ARHGEF1: variants seen among roughly 807,000 people sequenced by gnomAD.
The protein encoded by ARHGEF1 is Rho guanine nucleotide exchange factor 1.
ARHGEF1 carries 40 observed loss-of-function variants against 119.7 expected under a neutral mutation model. That is an observed-to-expected ratio of 0.33 (90% confidence interval 0.26 to 0.44). The LOEUF is 0.44. ARHGEF1 is among the 20% of genes least tolerant of loss of function. The pLI, the probability that ARHGEF1 is intolerant of heterozygous loss-of-function variation, is 1.00. For missense variants in ARHGEF1, 976 were observed against 1,268.3 expected, an observed-to-expected ratio of 0.77 and a Z score of 3.50; for synonymous variants, 494 against 521.0, an observed-to-expected ratio of 0.95 and a Z score of 0.71.
In ARHGEF1 at chr19:41,903,812, G is replaced by GC. The variant is rs1568823687; in HGVS notation, c.1917+34dup. ...GTGACCATACCCTCCTGCCTCCCCC[G>GC]CCCCCCTACTCCTTGGCCCAGGGGA... On this transcript the variant is annotated intron_variant, in intron 20 of 28. Transcript: ENST00000354532. The surrounding 1 kb of genome is among the most constrained non-coding windows in gnomAD (Gnocchi z 4.2). 2.5e-6 allele frequency: 4 copies of GC among 1,582,386 alleles called. No homozygotes were observed. Among genetic ancestry groups the GC allele is most frequent in the South Asian group, 1.1e-5 (1 of 90,162 alleles).
intron 1 of ARHGEF1, among the ~76,000 whole-genome samples, chr19:41,924,757 G>A (rs2074861935): frequency 6.6e-6 from 1 of 152,148 alleles, no homozygotes; most frequent in African/African-American, 2.4e-5. Context: ...CATGCTACAG[G>A]TGTTATGCAC....
In ARHGEF1 at chr19:41,896,810, T is replaced by TCCTCTCACCTCCCCC. The variant is rs2074500981; in HGVS notation, c.1121+329_1121+330insCTCTCACCTCCCCCC. On this transcript the variant is annotated intron_variant, in intron 13 of 28. Transcript: ENST00000354532. ...TTTCCCCCTCCTCTCTCACCTCCCC[T>TCCTCTCACCTCCCCC]CTCCTCTCTCACCTCCCCCATCCTC... is the stretch of plus-strand genomic sequence containing the variant. 1.1e-4 allele frequency: 33 copies of TCCTCTCACCTCCCCC among 302,960 alleles called. 3 individuals carry two copies. In the African/African-American group the frequency reaches 2.3e-3, roughly 21 times the overall value. 18.8% of individuals were successfully genotyped at this position (302,960 alleles called of 1,614,324 possible).
chr19:41,898,169 G>A, intron 13 of ARHGEF1: 1 of 1,410,960 alleles, frequency 7.1e-7, no homozygotes, highest in Non-Finnish European at 9.2e-7. Flanking sequence ...GAATCAGGGA[G>A]GGATTGTTGT....
chr19:41,897,266 T>C (rs1196444063), intron 13 of ARHGEF1: 3 of 1,279,762 alleles, frequency 2.3e-6, no homozygotes, highest in Non-Finnish European at 2.0e-6. Context: ...GGGAGGTGGG[T>C]CAGGTTCCAT....
chr19:41,926,047 A>G (rs988416389), intron 1 of ARHGEF1, among the ~76,000 whole-genome samples: 2 of 151,940 alleles, frequency 1.3e-5, no homozygotes, highest in Admixed American at 6.6e-5. Context: ...AAGAAATACG[A>G]ATGTGTGAGG....
chr19:41,894,732 G>T (rs1475609682), intron 11 of ARHGEF1, 71 bp downstream of exon 11: 1 of 1,572,870 alleles, frequency 6.4e-7, no homozygotes, highest in Non-Finnish European at 8.7e-7. Flanking sequence ...GGACGCCTGG[G>T]TCTGAGGGAG....
Position 41,902,984 on chromosome 19 carries a change from T to A in ARHGEF1, c.1738+86T>A, listed in dbSNP as rs1483473375. 7 of 1,118,028 alleles carry A rather than the reference T, an allele frequency of 6.3e-6. No homozygotes were observed. Among genetic ancestry groups the A allele is most frequent in the Non-Finnish European group, 8.8e-6 (7 of 799,338 alleles). The allele number at this position is 1,118,028 out of a possible 1,614,324, so 69.3% of individuals were successfully genotyped here. A position where few individuals can be genotyped will look rare whatever the true frequency, so the allele number is the denominator to read the frequency against. On this transcript the variant is annotated intron_variant, in intron 18 of 28. Coordinates refer to ENST00000354532, the MANE Select transcript of ARHGEF1 (RefSeq NM_004706.4). This position sits in a 1 kb window ranked among gnomAD's most constrained non-coding sequence, Gnocchi z 6.5. ...TCACTCATTTTCATCAGTGATACCA[T>A]CACAGCTCACTGCAGCCTCAACCTC...
Position 41,883,305 on chromosome 19 carries a change from C to T in ARHGEF1, c.-20+16C>T. On this transcript the variant is annotated intron_variant, in intron 1 of 28. Coordinates refer to ENST00000354532, the MANE Select transcript of ARHGEF1 (RefSeq NM_004706.4). The surrounding 1 kb of genome is among the most constrained non-coding windows in gnomAD (Gnocchi z 7.6). ...CGGACACCAGGTACTCGGTCCCCGG[C>T]CCCGCCCGGCCTCCTCCCCTCGGCT... The T allele has an allele frequency of 6.0e-6, 1 of 167,222 alleles. No individual in the cohort carries two copies. Among genetic ancestry groups the T allele is most frequent in the South Asian group, 8.7e-5 (1 of 11,488 alleles). 10.4% of individuals were successfully genotyped at this position (167,222 alleles called of 1,614,324 possible). A position where few individuals can be genotyped will look rare whatever the true frequency, so the allele number is the denominator to read the frequency against.
At chr19:41,900,816 G>T (rs1244390708) in intron 14 of ARHGEF1, 12 of 128,072 alleles carry the variant, frequency 9.4e-5, no homozygotes, top group Non-Finnish European at 1.6e-5. Context: ...TTTTTGAGAC[G>T]ATCTCGCTCT....
Position 41,891,702 on chromosome 19 carries a change from G to A in ARHGEF1, c.226-323G>A, listed in dbSNP as rs560683995. Among the ~76,000 whole-genome samples the A allele has an allele frequency of 2.0e-5, 3 of 152,254 alleles. No individual in the cohort carries two copies. The South Asian group carries it at 6.2e-4, about 32-fold the overall frequency. ...ATGCATGTAGAGGGTGTAGAGCCGT[G>A]TCTGGTATACACTAAGCCGTCAGTA... On this transcript the variant is annotated intron_variant, in intron 4 of 28. Transcript: ENST00000354532.
At chr19:41,886,170 T>C (rs73549188) in intron 1 of ARHGEF1, among the ~76,000 whole-genome samples, 3,760 of 152,160 alleles carry the variant, frequency 0.025, 160 homozygotes, top group African/African-American at 0.084. Context: ...ATAATAATGA[T>C]CTCTTGGAGT....
At position 41,901,976 on chromosome 19, in the gene ARHGEF1, C is replaced by G. The variant is rs919197748; in HGVS notation, c.1357C>G (p.Pro453Ala). 14 of 1,614,034 alleles carry G rather than the reference C, an allele frequency of 8.7e-6. No homozygotes were observed. In the Middle Eastern group the frequency reaches 4.9e-4, roughly 57 times the overall value. Residue 453 changes from proline (P) to alanine (A), a missense_variant, in exon 15 of 29, where the codon CCC (proline) becomes GCC (alanine). Coordinates refer to ENST00000354532, the MANE Select transcript of ARHGEF1 (RefSeq NM_004706.4). Reference sequence around the variant, plus strand: ...GCCCATGGCAGAATGCCTGTTCTTCCCCTTGGAGGAGCTGCAGAACATCTT... The same window carrying G: ...GCCCATGGCAGAATGCCTGTTCTTCGCCTTGGAGGAGCTGCAGAACATCTT... The part of the protein sequence containing the change: ...FQPMAECLFF[P>A]LEELQNIFPS...
At position 41,904,199 on chromosome 19, in the gene ARHGEF1, C is replaced by T. The variant is rs782228864; in HGVS notation, c.1994-17C>T. The stretch of plus-strand genomic sequence containing the variant: ...GTCGCGCGGGGGCACGCCGTGTGAG[C>T]ACTGCTCGCCCCGTAGAGGTGCATG... On this transcript the variant is annotated splice_polypyrimidine_tract_variant and intron_variant, in intron 21 of 28. Coordinates refer to ENST00000354532, the MANE Select transcript of ARHGEF1 (RefSeq NM_004706.4). The surrounding 1 kb of genome is among the most constrained non-coding windows in gnomAD (Gnocchi z 8.4). 1.2e-6 allele frequency: 2 copies of T among 1,613,158 alleles called. No homozygotes were observed. Among genetic ancestry groups the T allele is most frequent in the Non-Finnish European group, 1.7e-6 (2 of 1,179,394 alleles).
Position 41,889,090 on chromosome 19 carries a change from G to A in ARHGEF1, c.225+225G>A. ...CAGGGTAGATCTCAGTGCGCAGCGG[G>A]CAGGGTACACACGTCAGGACCCCGC... On this transcript the variant is annotated intron_variant, in intron 4 of 28. Coordinates refer to ENST00000354532, the MANE Select transcript of ARHGEF1 (RefSeq NM_004706.4). This position sits in a 1 kb window ranked among gnomAD's most constrained non-coding sequence, Gnocchi z 4.0. 1 of 506,662 alleles carries A rather than the reference G, an allele frequency of 2.0e-6. No homozygotes were observed. The highest frequency in any genetic ancestry group is 3.6e-6 in the Non-Finnish European group (1 of 281,060). The allele number at this position is 506,662 out of a possible 1,614,324, so 31.4% of individuals were successfully genotyped here. A position where few individuals can be genotyped will look rare whatever the true frequency, so the allele number is the denominator to read the frequency against.
downstream of ARHGEF1, among the ~76,000 whole-genome samples, chr19:41,912,422 G>C (rs1019630313): frequency 2.0e-5 from 3 of 152,194 alleles, no homozygotes; most frequent in Non-Finnish European, 4.4e-5. Flanking sequence ...CGGTCTGGCC[G>C]GGTCGTGCCT....
chr19:41,913,399 C>T (rs2074766313), intron 18 of ARHGEF1, among the ~76,000 whole-genome samples: 1 of 151,928 alleles, frequency 6.6e-6, no homozygotes, highest in African/African-American at 2.4e-5. Flanking sequence ...CTGGCTGCCC[C>T]AGATTTATCT....
intron 1 of ARHGEF1, chr19:41,923,259 A>G: frequency 2.2e-6 from 1 of 446,266 alleles, no homozygotes; most frequent in Middle Eastern, 3.3e-4. Context: ...GGCCCCCGAT[A>G]TTTGTACTGT....
intron 13 of ARHGEF1, 71 bp from the exon 14 acceptor site, chr19:41,898,371 C>G: frequency 6.5e-7 from 1 of 1,546,892 alleles, no homozygotes; most frequent in Middle Eastern, 1.7e-4. Context: ...CGGGGTTGAA[C>G]GCTCTAAGAG....
rs749020865 is a variant in ARHGEF1 at position 41,894,464 on chromosome 19, G to T, written c.758G>T (p.Arg253Leu). Residue 253 changes from arginine to leucine, a missense_variant, in exon 10 of 29, where the codon CGG (arginine) becomes CTG (leucine). Arg to Leu is a moderately radical substitution (Grantham distance 102). Transcript: ENST00000354532. ...NFFRKKVMGN[R>L]RSDEPAKTKK... ...GCCCTCTCACAGGTGATGGGGAACCGGCGGTCGGACGAGCCTGCCAAGACC... is the reference window on the plus strand; with the variant it reads ...GCCCTCTCACAGGTGATGGGGAACCTGCGGTCGGACGAGCCTGCCAAGACC... The T allele has an allele frequency of 1.3e-6, 2 of 1,563,510 alleles. No homozygotes were observed. The highest frequency in any genetic ancestry group is 1.2e-5 in the South Asian group (1 of 82,536).
Sources: gnomAD v4.1 joint callset for allele counts (sites outside exome capture counted in the v4.1 genomes callset) on GRCh38, gnomAD v4.1.1 for gene constraint, Gnocchi (gnomAD v3.1) non-coding constraint, MANE v1.5 for transcripts, NCBI Gene and HGNC (gene_info 2026-07-23, HGNC 2026-07-21) for gene names.